MPP7: variants seen among roughly 807,000 people sequenced by gnomAD.
MPP7 encodes the protein MAGUK p55 subfamily member 7.
Under a neutral mutation model 76.5 loss-of-function variants are expected in MPP7, and 60 were observed. The observed-to-expected ratio is 0.78, with a 90% confidence interval of 0.64 to 0.97. The LOEUF (loss-of-function observed/expected upper bound fraction) is 0.97, where lower values mean the gene tolerates loss of function less well. Among genes scored for constraint, MPP7 ranks in the 50% least tolerant of loss-of-function variants. MPP7 has a pLI of 0.00. For synonymous variants in MPP7, 237 were observed against 244.5 expected (o/e 0.97, Z 0.29); for missense variants, 641 against 694.0 (o/e 0.92, Z 0.86).
chr10:28,265,431 T>C (rs943971657), intron 1 of MPP7, among the ~76,000 whole-genome samples: 1 of 152,006 alleles, frequency 6.6e-6, no homozygotes, highest in African/African-American at 2.4e-5. Flanking sequence ...TGGTGGTACA[T>C]ACCTGTAGTC....
intron 2 of MPP7, among the ~76,000 whole-genome samples, chr10:28,233,683 A>G (rs145062809): frequency 0.012 from 1,796 of 149,182 alleles, 37 homozygotes; most frequent in African/African-American, 0.042. Context: ...GCGCCACTGC[A>G]TTCCAGCCTG....
intron 11 of MPP7, among the ~76,000 whole-genome samples, chr10:28,112,821 T>C (rs1834545245): frequency 6.7e-6 from 1 of 149,064 alleles, no homozygotes; most frequent in Admixed American, 6.8e-5. Context: ...AGTCCAGTAC[T>C]ATAATCCCCA....
chr10:28,101,122 T>C (rs1853805905), intron 11 of MPP7, among the ~76,000 whole-genome samples: 1 of 152,132 alleles, frequency 6.6e-6, no homozygotes, highest in Non-Finnish European at 1.5e-5. Flanking sequence ...ATGGTTTCTT[T>C]CTGTCAGAAA....
chr10:28,110,286 T>TGCCATGTTG (rs1588784191), intron 11 of MPP7, among the ~76,000 whole-genome samples: 1 of 152,080 alleles, frequency 6.6e-6, no homozygotes, highest in Admixed American at 6.6e-5. Context: ...GACAAGGTTT[T>TGCCATGTTG]GCCATGTTGG....
chr10:28,266,551 C>CA (rs1200670295), intron 1 of MPP7, among the ~76,000 whole-genome samples: 2 of 152,134 alleles, frequency 1.3e-5, no homozygotes, highest in African/African-American at 2.4e-5. Context: ...GCCTGGGTGA[C>CA]AGAGTGAGAC....
At chr10:28,234,065 A>T (rs985844381) in intron 2 of MPP7, among the ~76,000 whole-genome samples, 1 of 152,192 alleles carries the variant, frequency 6.6e-6, no homozygotes, top group Non-Finnish European at 1.5e-5. Flanking sequence ...CCAGATCTTG[A>T]TTTCTAAGCC....
chr10:28,215,335 G>A lies in MPP7; in HGVS notation c.38-13064C>T, dbSNP rs112392450. Among the ~76,000 whole-genome samples, 534 of 148,580 alleles carry A rather than the reference G, an allele frequency of 3.6e-3. 4 individuals are homozygous for A. The highest frequency in any genetic ancestry group is 0.012 in the African/African-American group (502 of 40,606). On this transcript the variant is annotated intron_variant, in intron 2 of 16. Coordinates refer to ENST00000683449, the MANE Select transcript of MPP7 (RefSeq NM_001318170.2). ...AACCCATTGGGCGGTTACAAAGAAG[G>A]GAGGAAAAAAAAAATAAAAGCAAAC...
At chr10:28,082,395 C>A (rs115750540) in intron 12 of MPP7, among the ~76,000 whole-genome samples, 2,229 of 151,478 alleles carry the variant, frequency 0.015, 57 homozygotes, top group African/African-American at 0.051. Flanking sequence ...TTCTTCTTCC[C>A]CTTCTTCTCC....
At chr10:28,332,141 T>A (rs1383464490) in intron 1 of MPP7, among the ~76,000 whole-genome samples, 1 of 152,068 alleles carries the variant, frequency 6.6e-6, no homozygotes, top group Admixed American at 6.6e-5. Context: ...AGAAATTGAG[T>A]TTTTTTCTTA....
intron 2 of MPP7, among the ~76,000 whole-genome samples, chr10:28,322,327 A>G (rs1206406582): frequency 6.6e-6 from 1 of 152,120 alleles, no homozygotes; most frequent in African/African-American, 2.4e-5. Flanking sequence ...GAAACATTAG[A>G]TCAGAGGTTG....
At chr10:28,203,027 C>T (rs1236795951) in intron 2 of MPP7, 1 of 152,242 alleles carries the variant, frequency 6.6e-6, no homozygotes, top group Admixed American at 6.5e-5. Context: ...CAGCCCGTCA[C>T]ACTCCTGTCC....
chr10:28,172,167 C>T (rs1017126754), intron 3 of MPP7, among the ~76,000 whole-genome samples: 6 of 152,148 alleles, frequency 3.9e-5, no homozygotes, highest in African/African-American at 1.4e-4. Context: ...TTGCAAGATA[C>T]CAAATCTAAT....
intron 11 of MPP7, among the ~76,000 whole-genome samples, chr10:28,107,976 TCTTA>T (rs779716049): frequency 6.6e-6 from 1 of 152,252 alleles, no homozygotes; most frequent in Non-Finnish European, 1.5e-5. Context: ...ATCATCCAAT[TCTTA>T]CTTAGTAGAT....
intron 11 of MPP7, chr10:28,118,209 A>T (rs1418293675): frequency 5.2e-5 from 51 of 985,000 alleles, no homozygotes; most frequent in Non-Finnish European, 6.1e-5. Flanking sequence ...CACACACCTC[A>T]CCTTCCTATG....
chr10:28,116,963 G>A (rs1044795758), intron 11 of MPP7, among the ~76,000 whole-genome samples: 3 of 152,018 alleles, frequency 2.0e-5, no homozygotes, highest in African/African-American at 7.2e-5. Flanking sequence ...TTGGAGCCAA[G>A]AACTAGAGCT....
At chr10:28,217,314 A>C (rs1271429654) in intron 2 of MPP7, among the ~76,000 whole-genome samples, 1 of 152,090 alleles carries the variant, frequency 6.6e-6, no homozygotes, top group African/African-American at 2.4e-5. Context: ...GGATTGCTTG[A>C]GCCCAGGATC....
chr10:28,178,952 A>C (rs533389710), intron 3 of MPP7, among the ~76,000 whole-genome samples: 1 of 152,348 alleles, frequency 6.6e-6, no homozygotes, highest in South Asian at 2.1e-4. Context: ...TTTAAAAGCA[A>C]AGGTAAAATC....
intron 3 of MPP7, among the ~76,000 whole-genome samples, chr10:28,175,958 T>C (rs376293094): frequency 6.6e-6 from 1 of 152,080 alleles, no homozygotes; most frequent in African/African-American, 2.4e-5. Context: ...AATCTAGCAA[T>C]GCAGGTCAAA....
chr10:28,214,448 A>C (rs1838243603), intron 2 of MPP7, among the ~76,000 whole-genome samples: 1 of 152,196 alleles, frequency 6.6e-6, no homozygotes, highest in South Asian at 2.1e-4. Context: ...CAACATTTCA[A>C]GAGGCGTGTT....
Sources: allele counts gnomAD v4.1 joint callset (sites outside exome capture counted in the v4.1 genomes callset), GRCh38; gene constraint gnomAD v4.1.1; transcripts MANE v1.5; gene names NCBI Gene and HGNC (gene_info 2026-07-23, HGNC 2026-07-21).